SPATA21: variants seen among roughly 807,000 people sequenced by gnomAD.
SPATA21 encodes the protein spermatogenesis-associated protein 21.
Under a neutral mutation model 54.8 loss-of-function variants are expected in SPATA21, and 47 were observed. The observed-to-expected ratio is 0.86, with a 90% CI of 0.68 to 1.09. The LOEUF is 1.09. Ranked by LOEUF, SPATA21 falls within the 50% of genes least tolerant of loss-of-function variation. SPATA21 has a pLI of 0.00. For synonymous variants in SPATA21, 245 were observed against 235.3 expected (o/e 1.04, Z -0.38); for missense variants, 599 against 596.4 (o/e 1.00, Z -0.05).
At chr1:16,426,559 A>ATATATATATG (rs1216190836) in intron 3 of SPATA21, among the ~76,000 whole-genome samples, 1 of 98,654 alleles carries the variant, frequency 1.0e-5, no homozygotes, top group Admixed American at 1.0e-4. Flanking sequence ...GTGCCCGGCT[A>ATATATATATG]TATATATATA....
At chr1:16,401,001 A>G (rs2085430918) in intron 10 of SPATA21, 109 bp from the exon 11 acceptor site, 1 of 1,364,692 alleles carries the variant, frequency 7.3e-7, no homozygotes. Flanking sequence ...CAAGCCTAGG[A>G]GTCAGGAAAC....
chr1:16,427,996 G>A (rs575933610), intron 3 of SPATA21: 55 of 1,549,208 alleles, frequency 3.6e-5, no homozygotes, highest in Non-Finnish European at 4.4e-5. Context: ...GCCCACTTCC[G>A]AAGCATCCGG....
rs525409 is a variant in SPATA21 at position 16,405,015 on chromosome 1, C to G, written c.763G>C (p.Val255Leu). ...GCGTCCTCCACCTGGGCCAGCGTCA[C>G]AGAGAAGCCCATTAGGAGCAGGATA... is the stretch of plus-strand genomic sequence containing the variant. ...KNILLLMGFS[V>L]TLAQVEDALM... Residue 255 changes from valine (V) to leucine (L), a missense_variant, in exon 8 of 13, where the codon GTG becomes CTG. Coordinates refer to ENST00000335496, the MANE Select transcript of SPATA21 (RefSeq NM_198546.1). 399,667 of 1,607,100 alleles carry G rather than the reference C, an allele frequency of 0.25. 53,731 individuals carry two copies. Among genetic ancestry groups the G allele is most frequent in the South Asian group, 0.43 (38,593 of 89,652 alleles).
At chr1:16,422,632 A>G (rs556700400) in intron 3 of SPATA21, among the ~76,000 whole-genome samples, 1 of 151,934 alleles carries the variant, frequency 6.6e-6, no homozygotes, top group East Asian at 1.9e-4. Flanking sequence ...CAGCCTCCCA[A>G]GTAGCTGGGA....
At chr1:16,424,259 G>C (rs1470682496) in intron 3 of SPATA21, among the ~76,000 whole-genome samples, 2 of 16,060 alleles carry the variant, frequency 1.2e-4, no homozygotes, top group Non-Finnish European at 2.5e-4. Context: ...CTTGCAGTGA[G>C]CCGAGATTGC....
intron 10 of SPATA21, 115 bp from the exon 11 acceptor site, chr1:16,401,007 G>A (rs1447932185): frequency 7.7e-7 from 1 of 1,294,978 alleles, no homozygotes; most frequent in East Asian, 2.4e-5. Context: ...TAGGAGTCAG[G>A]AAACCTGGCT....
chr1:16,411,566 G>A (rs551540483), intron 5 of SPATA21, among the ~76,000 whole-genome samples: 9 of 152,002 alleles, frequency 5.9e-5, no homozygotes, highest in South Asian at 2.1e-4. Flanking sequence ...CGAGGCAGGC[G>A]GATCACAAGG....
At chr1:16,403,395 C>T (rs1042008051) in intron 10 of SPATA21, among the ~76,000 whole-genome samples, 5 of 152,106 alleles carry the variant, frequency 3.3e-5, no homozygotes, top group African/African-American at 1.2e-4. Context: ...CATTTGGTCT[C>T]TGGGATCCCA....
chr1:16,421,194 G>A lies in SPATA21; in HGVS notation c.144+315C>T, dbSNP rs1452255171. 6.6e-6 allele frequency among the ~76,000 whole-genome samples: 1 copy of A among 152,050 alleles called. No homozygotes were observed. On this transcript the variant is annotated intron_variant, in intron 5 of 12. Transcript: ENST00000335496. This position sits in a 1 kb window ranked among gnomAD's most constrained non-coding sequence, Gnocchi z 5.2. The stretch of plus-strand genomic sequence containing the variant: ...CTTTGGATTGTGTGGCTGTGGCCGA[G>A]GGCAAATGGGTGGAAGAAATCCATG...
At chr1:16,423,412 CAAAAAAAAAA>C (rs1161125061) in intron 3 of SPATA21, among the ~76,000 whole-genome samples, 1 of 59,146 alleles carries the variant, frequency 1.7e-5, no homozygotes, top group Non-Finnish European at 3.7e-5. Context: ...GACTCCATGT[CAAAAAAAAAA>C]AAAAAAAAAA....
At chr1:16,398,912 GGA>G (rs994043817) in intron 12 of SPATA21, 90 bp from the exon 13 acceptor site, 3 of 1,313,706 alleles carry the variant, frequency 2.3e-6, no homozygotes, top group African/African-American at 1.5e-5. Context: ...GCCCAAGTGA[GGA>G]GAGAGAGGAG....
chr1:16,425,736 G>T, intron 3 of SPATA21: 1 of 1,546,478 alleles, frequency 6.5e-7, no homozygotes. Context: ...TTCTTCCTGG[G>T]GAAAATAGAC....
At chr1:16,406,564 G>GACTCC (rs1487619033) in intron 7 of SPATA21, among the ~76,000 whole-genome samples, 5 of 151,616 alleles carry the variant, frequency 3.3e-5, no homozygotes, top group Non-Finnish European at 7.4e-5. Context: ...CAACATAAGA[G>GACTCC]ACTCCATCTC....
In SPATA21 at chr1:16,409,734, C is replaced by G. The variant is rs1198648922; in HGVS notation, c.454G>C (p.Ala152Pro). The change falls in exon 6 of 13, where the codon GCC (alanine) becomes CCC (proline). Residue 152 changes from alanine (A) to proline (P), a missense_variant. By Grantham distance (27) the Ala-to-Pro change is conservative. Transcript: ENST00000335496. This position sits in a 1 kb window ranked among gnomAD's most constrained non-coding sequence, Gnocchi z 4.1. ...GTGGGGACCGGGGCTCCCATGGGGGCAGGTTCTGGCCCAGGAGCTGGCAGC... is the reference window on the plus strand; with the variant it reads ...GTGGGGACCGGGGCTCCCATGGGGGGAGGTTCTGGCCCAGGAGCTGGCAGC... ...ARLPAPGPEP[A>P]PMGAPVPTSM... 1 of 1,611,110 alleles carries G rather than the reference C, an allele frequency of 6.2e-7. No homozygotes were observed. Among genetic ancestry groups the G allele is most frequent in the African/African-American group, 1.3e-5 (1 of 74,850 alleles).
At chr1:16,427,850 G>T in intron 3 of SPATA21, 1 of 1,541,940 alleles carries the variant, frequency 6.5e-7, no homozygotes. Context: ...TCTCTCGAGA[G>T]CCCCTCAGCT....
chr1:16,400,727 C>T lies in SPATA21; in HGVS notation c.1167G>A (p.Gln389=). Residue 389 remains glutamine, a synonymous_variant, in exon 11 of 13, where the codon CAG becomes CAA. Transcript: ENST00000335496. ...VLSILSRLKQ[Q]NYAPNLQSPY... The stretch of plus-strand genomic sequence containing the variant: ...CCTGCCCAGGGCCCTCACCATAGTT[C>T]TGCTGCTTCAGCCGGCTCAGGATAC... 6.2e-7 allele frequency: 1 copy of T among 1,601,884 alleles called. No homozygotes were observed. The highest frequency in any genetic ancestry group is 1.7e-5 in the Admixed American group (1 of 59,734).
chr1:16,416,513 A>G (rs543050449), intron 5 of SPATA21, among the ~76,000 whole-genome samples: 10 of 152,240 alleles, frequency 6.6e-5, no homozygotes, highest in African/African-American at 2.4e-4. Flanking sequence ...CTCTGTCTCT[A>G]TTAAAAATAC....
chr1:16,434,060 T>C (rs941059628), intron 1 of SPATA21, among the ~76,000 whole-genome samples: 5 of 152,152 alleles, frequency 3.3e-5, no homozygotes, highest in Non-Finnish European at 5.9e-5. Flanking sequence ...TCTGTCTTAG[T>C]GGATTTGTCT....
At chr1:16,397,060 T>C (rs536236149), downstream of SPATA21, 2 of 152,436 alleles carry the variant, frequency 1.3e-5, no homozygotes, top group South Asian at 4.1e-4. This position sits in a 1 kb window ranked among gnomAD's most constrained non-coding sequence, Gnocchi z 5.4. Flanking sequence ...AGTGAGACTT[T>C]CCTTTTAATT....
Sources: allele counts gnomAD v4.1 joint callset (sites outside exome capture counted in the v4.1 genomes callset), GRCh38; gene constraint gnomAD v4.1.1; non-coding constraint Gnocchi (gnomAD v3.1); transcripts MANE v1.5; gene names NCBI Gene and HGNC (gene_info 2026-07-23, HGNC 2026-07-21).